Variants in UBTD2 observed in about 807,000 individuals in gnomAD.
UBTD2 encodes the protein ubiquitin domain containing 2, also known as ubiquitin domain-containing protein 2.
Under a neutral mutation model 19.8 loss-of-function variants are expected in UBTD2, and 9 were observed. The ratio of observed to expected loss-of-function variants is 0.46; its 90% CI spans 0.27 to 0.79. The LOEUF is 0.79. UBTD2 is among the 30% of genes least tolerant of loss of function. The probability of loss-of-function intolerance (pLI) is 0.14; values close to 1 mark genes in which losing one functional copy is unlikely to be tolerated. For synonymous variants in UBTD2, 98 were observed against 103.9 expected (o/e 0.94, Z 0.35); for missense variants, 250 against 300.4 (o/e 0.83, Z 1.24).
intron 1 of UBTD2, among the ~76,000 whole-genome samples, chr5:172,248,465 G>C (rs779115325): frequency 6.6e-6 from 1 of 152,010 alleles, no homozygotes; most frequent in Non-Finnish European, 1.5e-5. Flanking sequence ...GCACACCCCC[G>C]TAGTCCCAGC....
chr5:172,210,111 G>C lies in UBTD2; in HGVS notation c.*1719C>G, dbSNP rs1263666051. 6.6e-6 allele frequency: 1 copy of C among 152,114 alleles called. No individual in the cohort carries two copies. The highest frequency in any genetic ancestry group is 2.4e-5 in the African/African-American group (1 of 41,430). 9.4% of individuals were successfully genotyped at this position (152,114 alleles called of 1,614,324 possible). A position where few individuals can be genotyped will look rare whatever the true frequency, so the allele number is the denominator to read the frequency against. The stretch of plus-strand genomic sequence containing the variant: ...GGGATTAATGCTGTGGTCTTCACTT[G>C]AATTTAGATTCAATCATCAGCAAAT... On this transcript the variant is annotated 3_prime_UTR_variant, in exon 3 of 3. Transcript: ENST00000393792.
At chr5:172,271,182 G>C (rs1275620313) in intron 1 of UBTD2, among the ~76,000 whole-genome samples, 2 of 151,986 alleles carry the variant, frequency 1.3e-5, no homozygotes, top group African/African-American at 4.8e-5. Flanking sequence ...TATAATCCCA[G>C]CATTTTTGGA....
In UBTD2 at chr5:172,255,468, G is replaced by C; in HGVS notation, c.71-21110C>G. The C allele has an allele frequency of 2.4e-5, 10 of 417,870 alleles. 1 individual carries two copies. The highest frequency in any genetic ancestry group is 2.1e-4 in the South Asian group (10 of 47,422). The allele number at this position is 417,870 out of a possible 1,614,324, so 25.9% of individuals were successfully genotyped here. On this transcript the variant is annotated intron_variant, in intron 1 of 2. Coordinates refer to ENST00000393792, the MANE Select transcript of UBTD2 (RefSeq NM_152277.3). ...AACCTTCTAGGGTGCTCTGGTGTTT[G>C]GCTTTGAGAGGTGTGGTTAGGGACG...
At chr5:172,282,060 G>A (rs1755728632) in intron 1 of UBTD2, among the ~76,000 whole-genome samples, 1 of 152,000 alleles carries the variant, frequency 6.6e-6, no homozygotes, top group African/African-American at 2.4e-5. Flanking sequence ...CATACATTAC[G>A]GAGAAGAGCA....
chr5:172,231,983 T>A (rs944612140), intron 2 of UBTD2, among the ~76,000 whole-genome samples: 1 of 152,036 alleles, frequency 6.6e-6, no homozygotes, highest in Non-Finnish European at 1.5e-5. Context: ...TAAAGAGTCA[T>A]ACTGAGGCCA....
intron 1 of UBTD2, among the ~76,000 whole-genome samples, chr5:172,234,928 A>G (rs1771977787): frequency 7.0e-6 from 1 of 143,780 alleles, no homozygotes; most frequent in Admixed American, 7.0e-5. Context: ...ACAAAACTAA[A>G]GAACCCCAGA....
rs529677736 is a variant in UBTD2, at chr5:172,240,835, C to T, written c.71-6477G>A. Among the ~76,000 whole-genome samples, 8 of 152,202 alleles carry T rather than the reference C, an allele frequency of 5.3e-5. No homozygotes were observed. In the South Asian group the frequency reaches 1.5e-3, roughly 28 times the overall value. ...GTGTGGTAGCTCATGCCTGTAATCC[C>T]AGCACTTTGGAAGGCCAAGGCAGAC... On this transcript the variant is annotated intron_variant, in intron 1 of 2. Transcript: ENST00000393792.
chr5:172,265,221 A>C (rs1303373660), intron 1 of UBTD2, among the ~76,000 whole-genome samples: 2 of 152,264 alleles, frequency 1.3e-5, no homozygotes, highest in African/African-American at 4.8e-5. Context: ...TAAGAATCTG[A>C]GTTAATTACC....
At chr5:172,217,431 A>AT (rs1771567118) in intron 2 of UBTD2, among the ~76,000 whole-genome samples, 1 of 151,974 alleles carries the variant, frequency 6.6e-6, no homozygotes, top group East Asian at 1.9e-4. Flanking sequence ...AAAAAAAAAA[A>AT]AAAAAGAAAG....
At chr5:172,277,707 A>C (rs554683086) in intron 1 of UBTD2, among the ~76,000 whole-genome samples, 45 of 152,148 alleles carry the variant, frequency 3.0e-4, no homozygotes, top group African/African-American at 6.5e-4. Flanking sequence ...CTCTATTAAA[A>C]AACAACAACA....
Position 172,231,878 on chromosome 5 carries a change from G to A in UBTD2, c.307+2244C>T, listed in dbSNP as rs1437249273. ...ATGTGAAGACGATAATTACAAAACT[G>A]AAAAAGGTAAATGGACTAAGATGAT... On this transcript the variant is annotated intron_variant, in intron 2 of 2. Coordinates refer to ENST00000393792, the MANE Select transcript of UBTD2 (RefSeq NM_152277.3). 4.6e-5 allele frequency among the ~76,000 whole-genome samples: 7 copies of A among 152,092 alleles called. 1 individual carries two copies. Among genetic ancestry groups the A allele is most frequent in the Non-Finnish European group, 8.8e-5 (6 of 68,000 alleles).
At chr5:172,221,846 A>C (rs553249102) in intron 2 of UBTD2, among the ~76,000 whole-genome samples, 1 of 152,264 alleles carries the variant, frequency 6.6e-6, no homozygotes, top group South Asian at 2.1e-4. Flanking sequence ...TGAACTATGG[A>C]CTTCTGAGTG....
intron 2 of UBTD2, among the ~76,000 whole-genome samples, chr5:172,231,520 T>C (rs1771898300): frequency 6.6e-6 from 1 of 152,172 alleles, no homozygotes; most frequent in Non-Finnish European, 1.5e-5. Flanking sequence ...CGGTCTTTAG[T>C]GATCTGAGCC....
intron 1 of UBTD2, among the ~76,000 whole-genome samples, chr5:172,249,391 T>C (rs1441299854): frequency 5.3e-5 from 5 of 94,498 alleles, no homozygotes; most frequent in African/African-American, 1.3e-4. Flanking sequence ...AGAGCAAGAC[T>C]CCGTCTCATG....
At chr5:172,223,903 G>C (rs918056327) in intron 2 of UBTD2, among the ~76,000 whole-genome samples, 2 of 152,090 alleles carry the variant, frequency 1.3e-5, no homozygotes, top group Non-Finnish European at 2.9e-5. Flanking sequence ...GGGATAAAAA[G>C]TTGAGAAATG....
At chr5:172,280,098 G>A (rs983051232) in intron 1 of UBTD2, among the ~76,000 whole-genome samples, 8 of 150,128 alleles carry the variant, frequency 5.3e-5, no homozygotes, top group Non-Finnish European at 1.0e-4. Flanking sequence ...GTGAAACGAC[G>A]TCTCAAAAAA....
intron 1 of UBTD2, among the ~76,000 whole-genome samples, chr5:172,276,064 A>C (rs1038322271): frequency 6.6e-6 from 1 of 152,176 alleles, no homozygotes; most frequent in Non-Finnish European, 1.5e-5. Context: ...AAATCACTTG[A>C]GAATCTTGTG....
chr5:172,259,620 G>T (rs1308098665), intron 1 of UBTD2, among the ~76,000 whole-genome samples: 1 of 151,838 alleles, frequency 6.6e-6, no homozygotes, highest in Non-Finnish European at 1.5e-5. Flanking sequence ...GTGTGGAGGC[G>T]GTGTGGGGGT....
At chr5:172,247,677 C>A (rs1384369476) in intron 1 of UBTD2, among the ~76,000 whole-genome samples, 2 of 151,984 alleles carry the variant, frequency 1.3e-5, no homozygotes, top group African/African-American at 4.8e-5. Context: ...ACAACAGAAC[C>A]CCAGAATATA....
Sources: gnomAD v4.1 joint callset for allele counts (sites outside exome capture counted in the v4.1 genomes callset) on GRCh38, gnomAD v4.1.1 for gene constraint, MANE v1.5 for transcripts, NCBI Gene and HGNC (gene_info 2026-07-23, HGNC 2026-07-21) for gene names.